Variants in ANKS1B observed in about 807,000 individuals in gnomAD.
ANKS1B encodes ankyrin repeat and sterile alpha motif domain containing 1B.
In ANKS1B, 36 loss-of-function variants were observed where a neutral mutation model predicts 148.3. The observed-to-expected ratio is 0.24, with a 90% CI of 0.19 to 0.32. The LOEUF is 0.32. Ranked by LOEUF, ANKS1B falls within the 10% of genes least tolerant of loss-of-function variation. The pLI is 1.00. For synonymous variants in ANKS1B, 542 were observed against 560.8 expected, an observed-to-expected ratio of 0.97 and a Z score of 0.47; for missense variants, 1,157 against 1,542.6, an observed-to-expected ratio of 0.75 and a Z score of 4.19.
At chr12:99,846,320 T>C (rs1017350925) in intron 1 of ANKS1B, among the ~76,000 whole-genome samples, 2 of 152,108 alleles carry the variant, frequency 1.3e-5, no homozygotes, top group African/African-American at 4.8e-5. Context: ...CGTTCTTCAT[T>C]TCTTTATTCC....
chr12:99,236,302 G>A (rs934391780), intron 14 of ANKS1B, among the ~76,000 whole-genome samples: 2 of 152,182 alleles, frequency 1.3e-5, no homozygotes, highest in Non-Finnish European at 2.9e-5. Context: ...TCACACTGCT[G>A]TAAAGATACT....
At chr12:98,988,882 G>T (rs368253082) in intron 17 of ANKS1B, among the ~76,000 whole-genome samples, 26 of 151,984 alleles carry the variant, frequency 1.7e-4, no homozygotes, top group African/African-American at 4.8e-4. Flanking sequence ...TATACTTCTT[G>T]GCCATTTTGT....
intron 9 of ANKS1B, among the ~76,000 whole-genome samples, chr12:99,597,829 A>C (rs536691142): frequency 6.6e-6 from 1 of 152,168 alleles, no homozygotes; most frequent in African/African-American, 2.4e-5. Flanking sequence ...CAGCAATCCT[A>C]ACACTTCTAT....
At chr12:99,525,612 G>A (rs2096919685) in intron 9 of ANKS1B, among the ~76,000 whole-genome samples, 2 of 152,056 alleles carry the variant, frequency 1.3e-5, no homozygotes, top group South Asian at 4.1e-4. Flanking sequence ...GAAAACCACG[G>A]GTTATATAAT....
intron 17 of ANKS1B, among the ~76,000 whole-genome samples, chr12:99,042,507 A>G (rs912282282): frequency 2.0e-5 from 3 of 152,134 alleles, no homozygotes; most frequent in Non-Finnish European, 4.4e-5. Context: ...CTGACCCACA[A>G]ACTGTAAGCT....
At chr12:99,594,734 T>C (rs1289170667) in intron 9 of ANKS1B, among the ~76,000 whole-genome samples, 2 of 151,664 alleles carry the variant, frequency 1.3e-5, no homozygotes, top group African/African-American at 2.4e-5. Context: ...AAATGGGGAG[T>C]TGCTATTCAA....
At chr12:99,223,313 G>A (rs546004980) in intron 14 of ANKS1B, among the ~76,000 whole-genome samples, 2 of 152,262 alleles carry the variant, frequency 1.3e-5, no homozygotes, top group African/African-American at 2.4e-5. Flanking sequence ...CAGGGTGGAG[G>A]ATAGTTTTGG....
chr12:99,713,541 T>C (rs983595702), intron 8 of ANKS1B, among the ~76,000 whole-genome samples: 3 of 152,206 alleles, frequency 2.0e-5, no homozygotes, highest in Non-Finnish European at 4.4e-5. Flanking sequence ...TCCACGCTCA[T>C]GGCTTAGAAA....
chr12:99,171,194 G>T (rs2077719271), intron 14 of ANKS1B, among the ~76,000 whole-genome samples: 1 of 152,130 alleles, frequency 6.6e-6, no homozygotes, highest in African/African-American at 2.4e-5. Context: ...GTAAGTAGCA[G>T]TATCTCATTT....
intron 25 of ANKS1B, among the ~76,000 whole-genome samples, chr12:98,768,509 C>T (rs1022589521): frequency 1.1e-4 from 15 of 142,380 alleles, no homozygotes; most frequent in South Asian, 2.3e-4. Context: ...CCGAGGCGGG[C>T]GGATCACAAG....
At chr12:99,535,067 C>T (rs1314944729) in intron 9 of ANKS1B, among the ~76,000 whole-genome samples, 1 of 152,122 alleles carries the variant, frequency 6.6e-6, no homozygotes, top group Non-Finnish European at 1.5e-5. Flanking sequence ...CTTTTGATGG[C>T]ATAAAATTCT....
intron 14 of ANKS1B, chr12:99,154,797 A>G: frequency 6.9e-7 from 1 of 1,454,700 alleles, no homozygotes; most frequent in Non-Finnish European, 9.0e-7. Flanking sequence ...TTTTTTATCA[A>G]GTACTCCTAC....
At chr12:99,298,783 AT>A (rs1334077809) in intron 12 of ANKS1B, among the ~76,000 whole-genome samples, 1 of 152,212 alleles carries the variant, frequency 6.6e-6, no homozygotes, top group African/African-American at 2.4e-5. Flanking sequence ...ATATTAAAGT[AT>A]ACTATTAAGT....
At chr12:98,963,268 C>T (rs2099874995) in intron 17 of ANKS1B, among the ~76,000 whole-genome samples, 1 of 151,724 alleles carries the variant, frequency 6.6e-6, no homozygotes, top group South Asian at 2.1e-4. Context: ...CAACCTGAAC[C>T]TCCTGGGTTC....
chr12:99,363,958 T>C (rs935414286), intron 12 of ANKS1B, among the ~76,000 whole-genome samples: 1 of 152,100 alleles, frequency 6.6e-6, no homozygotes, highest in African/African-American at 2.4e-5. Context: ...AAACTAGGCA[T>C]GTTTCCAAAT....
intron 17 of ANKS1B, among the ~76,000 whole-genome samples, chr12:98,939,826 C>A (rs920568637): frequency 6.6e-6 from 1 of 152,172 alleles, no homozygotes; most frequent in Non-Finnish European, 1.5e-5. Flanking sequence ...AGGAACGCTG[C>A]CCCTAAGATG....
chr12:98,895,887 T>C (rs925944061), intron 17 of ANKS1B, among the ~76,000 whole-genome samples: 21 of 152,228 alleles, frequency 1.4e-4, no homozygotes, highest in Admixed American at 7.9e-4. Context: ...CCCATTTTTT[T>C]CCCCTTGCCA....
At chr12:98,804,723 G>C (rs191818459) in intron 20 of ANKS1B, among the ~76,000 whole-genome samples, 4 of 152,160 alleles carry the variant, frequency 2.6e-5, no homozygotes, top group Non-Finnish European at 5.9e-5. Context: ...TTACTATATG[G>C]AATGGAAGAA....
intron 9 of ANKS1B, among the ~76,000 whole-genome samples, chr12:99,564,977 A>G (rs2097373610): frequency 6.6e-6 from 1 of 152,210 alleles, no homozygotes; most frequent in Non-Finnish European, 1.5e-5. Context: ...GTGAGAAGGA[A>G]GAGTTGTTCA....
Sources: gnomAD v4.1 joint callset for allele counts (sites outside exome capture counted in the v4.1 genomes callset) on GRCh38, gnomAD v4.1.1 for gene constraint, MANE v1.5 for transcripts, NCBI Gene and HGNC (gene_info 2026-07-23, HGNC 2026-07-21) for gene names.